UBE2F: variants seen among roughly 807,000 people sequenced by gnomAD.
UBE2F encodes the protein ubiquitin conjugating enzyme E2 F (putative).
Under a neutral mutation model 29.6 loss-of-function variants are expected in UBE2F, and 5 were observed. That is an observed-to-expected ratio of 0.17 (90% CI 0.09 to 0.36). The LOEUF is 0.36. UBE2F is among the 10% of genes least tolerant of loss of function. The pLI is 1.00. For synonymous variants in UBE2F, 66 were observed against 81.8 expected, an observed-to-expected ratio of 0.81 and a Z score of 1.04; for missense variants, 141 against 228.5, an observed-to-expected ratio of 0.62 and a Z score of 2.47.
chr2:238,002,635 G>A (rs1187484662), intron 4 of UBE2F, among the ~76,000 whole-genome samples: 3 of 151,654 alleles, frequency 2.0e-5, no homozygotes, highest in East Asian at 1.9e-4. Flanking sequence ...TTTTTGAGAC[G>A]GAATCTCACT....
intron 5 of UBE2F, among the ~76,000 whole-genome samples, chr2:238,020,964 C>T (rs1343328023): frequency 3.9e-5 from 6 of 152,164 alleles, no homozygotes; most frequent in Admixed American, 2.0e-4. Flanking sequence ...CTGGTGGGGA[C>T]GCCCAGAGGA....
intron 5 of UBE2F, among the ~76,000 whole-genome samples, chr2:238,021,975 TTCTG>T (rs760181746): frequency 3.3e-5 from 5 of 152,164 alleles, no homozygotes; most frequent in Non-Finnish European, 5.9e-5. Context: ...CATTTTAAGG[TTCTG>T]GATAAATCCT....
Position 238,042,123 on chromosome 2 carries a change from G to A in UBE2F, c.*785G>A, listed in dbSNP as rs564616450. 1 of 152,254 alleles carries A rather than the reference G, an allele frequency of 6.6e-6. No individual in the cohort carries two copies. The highest frequency in any genetic ancestry group is 2.1e-4 in the South Asian group (1 of 4,838). The allele number at this position is 152,254 out of a possible 1,614,324, so 9.4% of individuals were successfully genotyped here. A position where few individuals can be genotyped will look rare whatever the true frequency, so the allele number is the denominator to read the frequency against. On this transcript the variant is annotated 3_prime_UTR_variant, in exon 10 of 10. Transcript: ENST00000272930. ...AAATCAGCTCTTGCTTTCGGGTCCG[G>A]ATGTGGTGAGCACATTTTGGAGCCC...
At chr2:238,010,416 C>T (rs2063997695) in intron 4 of UBE2F, among the ~76,000 whole-genome samples, 2 of 152,254 alleles carry the variant, frequency 1.3e-5, no homozygotes, top group Admixed American at 6.5e-5. Flanking sequence ...TGTGATCCGC[C>T]TGCCTTGGCC....
intron 3 of UBE2F, chr2:237,990,403 C>CTA: frequency 9.5e-6 from 4 of 422,986 alleles, no homozygotes; most frequent in South Asian, 6.8e-5. Flanking sequence ...ACATGTAAAC[C>CTA]TTTTTTTTTT....
In UBE2F at chr2:238,040,226, G is replaced by T. The variant is rs116787239; in HGVS notation, c.508-1062G>T. ...TGTGGCAGGAGGGCAGGCACCTGGT[G>T]CCCAGCTGGCCAGGACCATGCTCCA... On this transcript the variant is annotated intron_variant, in intron 9 of 9. Coordinates refer to ENST00000272930, the MANE Select transcript of UBE2F (RefSeq NM_080678.3). The surrounding 1 kb of genome is among the most constrained non-coding windows in gnomAD (Gnocchi z 4.4). 1.3e-3 allele frequency among the ~76,000 whole-genome samples: 201 copies of T among 152,360 alleles called. No individual in the cohort carries two copies. The highest frequency in any genetic ancestry group is 4.6e-3 in the African/African-American group (193 of 41,582).
chr2:237,975,627 A>G (rs1011780964), intron 2 of UBE2F, among the ~76,000 whole-genome samples: 4 of 152,080 alleles, frequency 2.6e-5, no homozygotes, highest in African/African-American at 9.7e-5. Flanking sequence ...AAGGAATGGG[A>G]ACTGTGAGGG....
At chr2:237,988,017 A>G in intron 3 of UBE2F, 25 bp downstream of exon 3, 2 of 1,418,528 alleles carry the variant, frequency 1.4e-6, no homozygotes, top group Non-Finnish European at 1.9e-6. Flanking sequence ...CCCAAACACT[A>G]AGTACTGTGA....
chr2:237,983,129 C>A (rs1321349170), intron 2 of UBE2F, among the ~76,000 whole-genome samples: 1 of 152,148 alleles, frequency 6.6e-6, no homozygotes, highest in Non-Finnish European at 1.5e-5. Context: ...GCCACTGCAC[C>A]CAGTCAAGGG....
intron 9 of UBE2F, 60 bp from the exon 10 acceptor site, chr2:238,041,228 T>TTCAC (rs2064831995): frequency 4.6e-6 from 7 of 1,534,812 alleles, no homozygotes; most frequent in African/African-American, 1.4e-5. Flanking sequence ...GAAGCGCTGC[T>TTCAC]TCACTCACTC....
At chr2:237,985,816 T>C (rs574758930) in intron 2 of UBE2F, among the ~76,000 whole-genome samples, 1 of 152,216 alleles carries the variant, frequency 6.6e-6, no homozygotes, top group East Asian at 1.9e-4. Context: ...AGCCCTGCTA[T>C]CAGTATACAA....
intron 5 of UBE2F, among the ~76,000 whole-genome samples, chr2:238,017,247 G>C (rs1360122173): frequency 6.6e-6 from 1 of 152,218 alleles, no homozygotes; most frequent in Non-Finnish European, 1.5e-5. Context: ...TGAGAATTCA[G>C]AGAAGGGAAA....
chr2:238,030,555 G>C lies in UBE2F; in HGVS notation c.354-1G>C, dbSNP rs1293153338. On this transcript the variant is annotated splice_acceptor_variant, in intron 6 of 9. Coordinates refer to ENST00000272930, the MANE Select transcript of UBE2F (RefSeq NM_080678.3). LOFTEE classifies it high-confidence loss of function. ...AACCACTGTGTGTTTGTCTTTTTCA[G>C]TTTATTGAGAGAACATTCAATTGAT... 6.2e-7 allele frequency: 1 copy of C among 1,613,048 alleles called. No homozygotes were observed. The highest frequency in any genetic ancestry group is 1.7e-5 in the Admixed American group (1 of 59,962).
intron 4 of UBE2F, among the ~76,000 whole-genome samples, chr2:238,002,536 C>T (rs1006900648): frequency 2.0e-5 from 3 of 148,872 alleles, no homozygotes; most frequent in South Asian, 2.2e-4. Context: ...TGCACCTGGC[C>T]GGAATATTCC....
chr2:238,019,317 A>G (rs1420015902), intron 5 of UBE2F, among the ~76,000 whole-genome samples: 1 of 152,052 alleles, frequency 6.6e-6, no homozygotes, highest in African/African-American at 2.4e-5. Context: ...TGCATGAACC[A>G]TGTTCCTACC....
intron 3 of UBE2F, among the ~76,000 whole-genome samples, chr2:237,993,152 T>G (rs2106350617): frequency 6.6e-6 from 1 of 152,194 alleles, no homozygotes; most frequent in African/African-American, 2.4e-5. Context: ...CTTGCCCAGC[T>G]AATTTTTGTA....
chr2:237,990,619 G>A lies in UBE2F; in HGVS notation c.148+2627G>A, dbSNP rs1214607479. 13 of 187,036 alleles carry A rather than the reference G, an allele frequency of 7.0e-5. No homozygotes were observed. In the South Asian group the frequency reaches 9.2e-4, roughly 13 times the overall value. 11.6% of individuals were successfully genotyped at this position (187,036 alleles called of 1,614,324 possible). A position where few individuals can be genotyped will look rare whatever the true frequency, so the allele number is the denominator to read the frequency against. ...TATTTTTTATACAAAAAATCAGCCA[G>A]GCATCATGGTGGGCGCCTGTAGTCC... On this transcript the variant is annotated intron_variant, in intron 3 of 9. Transcript: ENST00000272930.
chr2:238,002,161 T>C (rs2063808391), intron 4 of UBE2F, among the ~76,000 whole-genome samples: 1 of 150,320 alleles, frequency 6.7e-6, no homozygotes, highest in African/African-American at 2.4e-5. Context: ...GCCTCCCAGG[T>C]TCAAGCGATT....
chr2:238,021,171 G>T (rs1321027685), intron 5 of UBE2F, among the ~76,000 whole-genome samples: 2 of 152,136 alleles, frequency 1.3e-5, no homozygotes, highest in African/African-American at 4.8e-5. Context: ...AAGACACCAC[G>T]TCTCCTCACA....
Sources: gnomAD v4.1 joint callset for allele counts (sites outside exome capture counted in the v4.1 genomes callset) on GRCh38, gnomAD v4.1.1 for gene constraint, Gnocchi (gnomAD v3.1) non-coding constraint, MANE v1.5 for transcripts, NCBI Gene and HGNC (gene_info 2026-07-23, HGNC 2026-07-21) for gene names.